DOCK1: variants seen among roughly 807,000 people sequenced by gnomAD.
DOCK1 encodes dedicator of cytokinesis protein 1.
A neutral mutation model predicts 262.7 loss-of-function variants in DOCK1; 138 were observed. The observed-to-expected ratio is 0.53, with a 90% CI of 0.46 to 0.61. The LOEUF is 0.61. DOCK1 is among the 20% of genes least tolerant of loss of function. The pLI is 0.00. For synonymous variants in DOCK1, 866 were observed against 867.4 expected, an observed-to-expected ratio of 1.00 and a Z score of 0.03; for missense variants, 1,908 against 2,370.7, an observed-to-expected ratio of 0.80 and a Z score of 4.05.
At chr10:127,338,966 C>T (rs1017935877) in intron 29 of DOCK1, 40 bp from the exon 30 acceptor site, 8 of 1,516,654 alleles carry the variant, frequency 5.3e-6, no homozygotes, top group Middle Eastern at 1.7e-4. Context: ...AGTGCCAGAG[C>T]GTAAGTGTGT....
At chr10:126,954,370 C>T (rs1018568814) in intron 1 of DOCK1, among the ~76,000 whole-genome samples, 1 of 152,228 alleles carries the variant, frequency 6.6e-6, no homozygotes, top group Non-Finnish European at 1.5e-5. Context: ...TCAGAACAGT[C>T]CTGGGCTCTG....
chr10:127,248,189 C>G, intron 28 of DOCK1, 80 bp downstream of exon 28: 3 of 1,220,414 alleles, frequency 2.5e-6, no homozygotes, highest in Non-Finnish European at 2.3e-6. Flanking sequence ...TCAATATATT[C>G]ATTTAAAATA....
intron 23 of DOCK1, among the ~76,000 whole-genome samples, chr10:127,087,726 T>C (rs1407849366): frequency 6.6e-6 from 1 of 152,190 alleles, no homozygotes; most frequent in Admixed American, 6.5e-5. Flanking sequence ...GGAATTGGCA[T>C]CATTTAGGAC....
At chr10:127,390,765 C>T (rs2066427334) in intron 38 of DOCK1, among the ~76,000 whole-genome samples, 1 of 151,570 alleles carries the variant, frequency 6.6e-6, no homozygotes, top group African/African-American at 2.4e-5. Flanking sequence ...ATACCAATAC[C>T]AGGTGTCTCA....
In DOCK1 at chr10:127,100,046, T is replaced by A. The variant is rs890048519; in HGVS notation, c.2446-6185T>A. Among the ~76,000 whole-genome samples the A allele has an allele frequency of 5.9e-5, 9 of 151,368 alleles. No individual in the cohort carries two copies. Among genetic ancestry groups the A allele is most frequent in the African/African-American group, 1.9e-4 (8 of 41,166 alleles). On this transcript the variant is annotated intron_variant, in intron 23 of 51. Coordinates refer to ENST00000623213, the MANE Select transcript of DOCK1 (RefSeq NM_001290223.2). The surrounding 1 kb of genome is among the most constrained non-coding windows in gnomAD (Gnocchi z 5.5). The stretch of plus-strand genomic sequence containing the variant: ...GAGTCCTGCAGGTACCAAGGGTGAG[T>A]CTGGGGTGGTGGGGCCAGAGCCCAT...
intron 27 of DOCK1, among the ~76,000 whole-genome samples, chr10:127,193,233 T>A (rs1168627819): frequency 6.6e-6 from 1 of 152,178 alleles, no homozygotes; most frequent in African/African-American, 2.4e-5. Context: ...TATGAAAGAC[T>A]GTTGAAAATG....
intron 23 of DOCK1, among the ~76,000 whole-genome samples, chr10:127,103,327 AGTTTTAATC>A (rs1350902510): frequency 2.6e-5 from 4 of 152,170 alleles, no homozygotes; most frequent in Admixed American, 2.6e-4. Context: ...GCAGAGAAAG[AGTTTTAATC>A]GTAGGACCGC....
chr10:127,018,571 C>G, intron 12 of DOCK1, 139 bp from the exon 13 acceptor site: 3 of 1,393,778 alleles, frequency 2.2e-6, no homozygotes, highest in Non-Finnish European at 2.9e-6. Context: ...TTGCCCCTCT[C>G]TTTCTCATAT....
chr10:127,297,083 G>A lies in DOCK1; in HGVS notation c.3044+39654G>A, dbSNP rs552077016. 3.3e-5 allele frequency among the ~76,000 whole-genome samples: 5 copies of A among 152,310 alleles called. No homozygotes were observed. In the South Asian group the frequency reaches 8.3e-4, roughly 25 times the overall value. On this transcript the variant is annotated intron_variant, in intron 29 of 51. Coordinates refer to ENST00000623213, the MANE Select transcript of DOCK1 (RefSeq NM_001290223.2). ...ATCAGCCACGGTGTGCAGAGGAGGG[G>A]TGGGAGTGAGGGATGGTCGAGAGGG...
intron 27 of DOCK1, among the ~76,000 whole-genome samples, chr10:127,223,635 A>G (rs575912104): frequency 3.3e-5 from 5 of 152,330 alleles, no homozygotes; most frequent in African/African-American, 1.2e-4. Flanking sequence ...TGTCCCAAGC[A>G]TTTTGAATAA....
chr10:127,035,090 A>G (rs1049962809), intron 18 of DOCK1, among the ~76,000 whole-genome samples: 5 of 152,170 alleles, frequency 3.3e-5, no homozygotes, highest in African/African-American at 7.2e-5. Flanking sequence ...ATTTCTCACC[A>G]GCCACGGTTC....
At position 127,390,242 on chromosome 10, in the gene DOCK1, A is replaced by C. The variant is rs191295626; in HGVS notation, c.3927+5333A>C. Among the ~76,000 whole-genome samples the C allele has an allele frequency of 2.3e-4, 35 of 152,164 alleles. 1 individual carries two copies. In the East Asian group the frequency reaches 5.6e-3, roughly 24 times the overall value. On this transcript the variant is annotated intron_variant, in intron 38 of 51. Transcript: ENST00000623213. The stretch of plus-strand genomic sequence containing the variant: ...CTCTGAGCAGCTGAGCACCAGAGAA[A>C]CCAACTCTCAATTAATTGGTAGGAC...
intron 18 of DOCK1, among the ~76,000 whole-genome samples, chr10:127,034,905 G>A (rs1165328435): frequency 1.3e-5 from 2 of 152,178 alleles, no homozygotes; most frequent in Non-Finnish European, 2.9e-5. Context: ...GGGGGGTGGG[G>A]TCAGTGGCAA....
intron 23 of DOCK1, among the ~76,000 whole-genome samples, chr10:127,096,571 TA>T (rs1219364095): frequency 6.6e-6 from 1 of 152,144 alleles, no homozygotes; most frequent in Non-Finnish European, 1.5e-5. Context: ...CTTCTAATCT[TA>T]TATAAAGATA....
At chr10:127,194,939 G>A (rs1207921571) in intron 27 of DOCK1, among the ~76,000 whole-genome samples, 1 of 152,196 alleles carries the variant, frequency 6.6e-6, no homozygotes, top group African/African-American at 2.4e-5. Flanking sequence ...GGCCCAGAGC[G>A]CGTGCAGCTC....
At chr10:126,959,824 C>T (rs1283482245) in intron 1 of DOCK1, among the ~76,000 whole-genome samples, 2 of 149,638 alleles carry the variant, frequency 1.3e-5, no homozygotes, top group Non-Finnish European at 3.0e-5. Context: ...TAGTTTCTTT[C>T]TTTTTTTTTT....
chr10:127,332,571 A>G (rs1368357586), intron 29 of DOCK1, among the ~76,000 whole-genome samples: 3 of 152,116 alleles, frequency 2.0e-5, no homozygotes, highest in South Asian at 4.1e-4. Context: ...GGTCTGGCCC[A>G]GTTGATCTCT....
intron 23 of DOCK1, among the ~76,000 whole-genome samples, chr10:127,078,002 C>T (rs1389288315): frequency 6.6e-6 from 1 of 152,038 alleles, no homozygotes. Context: ...GGCAGGCAGC[C>T]TCGTTCCACC....
At chr10:127,172,180 C>T (rs1224670113) in intron 27 of DOCK1, among the ~76,000 whole-genome samples, 1 of 152,158 alleles carries the variant, frequency 6.6e-6, no homozygotes, top group Admixed American at 6.5e-5. Context: ...ATAAAGTAAG[C>T]CCTGTGAATC....
Sources: gnomAD v4.1 joint callset for allele counts (sites outside exome capture counted in the v4.1 genomes callset) on GRCh38, gnomAD v4.1.1 for gene constraint, Gnocchi (gnomAD v3.1) non-coding constraint, MANE v1.5 for transcripts, NCBI Gene and HGNC (gene_info 2026-07-23, HGNC 2026-07-21) for gene names.